The following C4orf36 variants were observed in gnomAD, a reference collection of about 807,000 sequenced individuals.
The protein encoded by C4orf36 is chromosome 4 open reading frame 36.
A neutral mutation model predicts 12.2 loss-of-function variants in C4orf36; 11 were observed. The observed-to-expected ratio is 0.90, with a 90% CI of 0.57 to 1.49. The LOEUF (loss-of-function observed/expected upper bound fraction) is 1.49, where lower values mean the gene tolerates loss of function less well. C4orf36 is among the 40% of genes most tolerant of loss of function. The pLI is 0.00. For synonymous variants in C4orf36, 54 were observed against 51.3 expected (o/e 1.05, Z -0.22); for missense variants, 137 against 133.9 (o/e 1.02, Z -0.11).
chr4:86,896,248 A>G (rs932379627), upstream of C4orf36, among the ~76,000 whole-genome samples: 2 of 152,290 alleles, frequency 1.3e-5, no homozygotes, highest in Middle Eastern at 3.4e-3. Context: ...TTCTCCCAGG[A>G]CTATAATTAG....
At chr4:86,904,100 C>T in the C4orf36 span, among the ~76,000 whole-genome samples, 1 of 152,272 alleles carries the variant, frequency 6.6e-6, no homozygotes, top group Non-Finnish European at 1.5e-5. Flanking sequence ...CACTGGCACG[C>T]TGGCACTCGC....
the C4orf36 span, among the ~76,000 whole-genome samples, chr4:86,898,225 C>G: frequency 6.6e-6 from 1 of 151,996 alleles, no homozygotes; most frequent in African/African-American, 2.4e-5. Flanking sequence ...AACCCCGTCT[C>G]TACTAAAAAT....
chr4:86,878,488 C>A (rs954372555), intron 4 of C4orf36, among the ~76,000 whole-genome samples: 1 of 152,138 alleles, frequency 6.6e-6, no homozygotes, highest in Non-Finnish European at 1.5e-5. Context: ...ATATACAAAC[C>A]AAACTGCTTT....
the C4orf36 span, among the ~76,000 whole-genome samples, chr4:86,929,616 T>C: frequency 6.6e-6 from 1 of 152,202 alleles, no homozygotes; most frequent in Admixed American, 6.5e-5. Context: ...TTGGGAATCT[T>C]GGGAGCCATC....
At chr4:86,906,217 T>A in the C4orf36 span, among the ~76,000 whole-genome samples, 1 of 152,216 alleles carries the variant, frequency 6.6e-6, no homozygotes, top group African/African-American at 2.4e-5. Flanking sequence ...GGAAGGATTT[T>A]AAAATCAATG....
the C4orf36 span, among the ~76,000 whole-genome samples, chr4:86,919,094 G>C: frequency 6.7e-6 from 1 of 149,820 alleles, no homozygotes; most frequent in African/African-American, 2.5e-5. Context: ...TCCAAGGACA[G>C]GAGGAGGAGA....
Position 86,891,451 on chromosome 4 carries a change from C to CATAAAA in C4orf36, c.65+4_65+5insTTTTAT. 6.2e-7 allele frequency: 1 copy of CATAAAA among 1,612,400 alleles called. No individual in the cohort carries two copies. The highest frequency in any genetic ancestry group is 1.1e-5 in the South Asian group (1 of 90,964). Reference sequence around the variant, plus strand: ...CCTGATTTAAAAAAAAAAAATAGTACTTACACATTATAACAACTGCCCCGC... The same window carrying CATAAAA: ...CCTGATTTAAAAAAAAAAAATAGTACATAAAATTACACATTATAACAACTGCCCCGC... On this transcript the variant is annotated splice_donor_region_variant and intron_variant, in intron 2 of 4. Transcript: ENST00000295898.
chr4:86,909,748 T>C, the C4orf36 span, among the ~76,000 whole-genome samples: 1 of 152,088 alleles, frequency 6.6e-6, no homozygotes, highest in African/African-American at 2.4e-5. Flanking sequence ...CTGTGCCAGA[T>C]TCTCTGCAAG....
the C4orf36 span, among the ~76,000 whole-genome samples, chr4:86,922,392 A>C: frequency 6.6e-6 from 1 of 152,210 alleles, no homozygotes; most frequent in African/African-American, 2.4e-5. Context: ...GTGAATGGAA[A>C]AACAAAAACA....
chr4:86,902,623 A>T, the C4orf36 span, among the ~76,000 whole-genome samples: 1 of 151,996 alleles, frequency 6.6e-6, no homozygotes. Context: ...ACCTGCCTTT[A>T]CCTTAGCTGT....
the C4orf36 span, among the ~76,000 whole-genome samples, chr4:86,899,313 T>C: frequency 2.6e-5 from 4 of 152,144 alleles, no homozygotes; most frequent in African/African-American, 9.6e-5. Context: ...ATATTGCACA[T>C]TTGAGAAATG....
At chr4:86,878,780 T>G (rs898849757) in intron 4 of C4orf36, among the ~76,000 whole-genome samples, 4 of 152,192 alleles carry the variant, frequency 2.6e-5, no homozygotes, top group Non-Finnish European at 5.9e-5. Context: ...GGATGCCAAG[T>G]TGGGGGGCCA....
chr4:86,912,347 T>A, the C4orf36 span, among the ~76,000 whole-genome samples: 1 of 152,200 alleles, frequency 6.6e-6, no homozygotes, highest in Non-Finnish European at 1.5e-5. Flanking sequence ...TCTTATAATA[T>A]CCCATTTGGA....
chr4:86,904,387 G>A, the C4orf36 span, among the ~76,000 whole-genome samples: 1 of 152,206 alleles, frequency 6.6e-6, no homozygotes, highest in Admixed American at 6.5e-5. Context: ...AGGGCTCCTC[G>A]AGTGCGACCA....
chr4:86,889,353 A>G (rs1471062859), intron 2 of C4orf36, among the ~76,000 whole-genome samples: 1 of 22,296 alleles, frequency 4.5e-5, no homozygotes, highest in Admixed American at 4.4e-4. Context: ...CTCCGTCTCA[A>G]AAAAAAAAAA....
chr4:86,923,558 G>C, the C4orf36 span, among the ~76,000 whole-genome samples: 2 of 152,084 alleles, frequency 1.3e-5, no homozygotes, highest in Non-Finnish European at 2.9e-5. Flanking sequence ...GGGAGTTTGA[G>C]ACCAGCCTGG....
Position 86,892,175 on chromosome 4 carries a change from T to C in C4orf36, c.-74+8A>G, listed in dbSNP as rs1014164236. The C allele has an allele frequency of 3.0e-6, 3 of 985,376 alleles. No individual in the cohort carries two copies. In the African/African-American group the frequency reaches 5.2e-5, roughly 17 times the overall value. The allele number at this position is 985,376 out of a possible 1,614,324, so 61.0% of individuals were successfully genotyped here. A position where few individuals can be genotyped will look rare whatever the true frequency, so the allele number is the denominator to read the frequency against. On this transcript the variant is annotated splice_region_variant and intron_variant, in intron 1 of 4. Transcript: ENST00000295898. ...GGGAACGGCCTCAGCCTCGGCTCCT[T>C]CCCACACCTGGGCCCCACCCTGCCT...
the C4orf36 span, among the ~76,000 whole-genome samples, chr4:86,931,650 C>G: frequency 6.6e-6 from 1 of 152,170 alleles, no homozygotes; most frequent in Admixed American, 6.5e-5. Context: ...CCTCCTGCCT[C>G]ATCCTCCCAA....
At chr4:86,890,143 G>A (rs1027818293) in intron 2 of C4orf36, 15 of 444,530 alleles carry the variant, frequency 3.4e-5, no homozygotes, top group Non-Finnish European at 6.2e-5. Flanking sequence ...TCCAGCCTGC[G>A]TGACAGTGTG....
Sources: allele counts gnomAD v4.1 joint callset (sites outside exome capture counted in the v4.1 genomes callset), GRCh38; gene constraint gnomAD v4.1.1; transcripts MANE v1.5; gene names NCBI Gene and HGNC (gene_info 2026-07-23, HGNC 2026-07-21).